Variants in TFCP2 observed in about 807,000 individuals in gnomAD.
TFCP2 encodes the protein transcription factor CP2, also known as alpha-globin transcription factor CP2.
TFCP2 carries 33 observed loss-of-function variants against 73.4 expected under a neutral mutation model. The ratio of observed to expected loss-of-function variants is 0.45; its 90% CI spans 0.34 to 0.60. The LOEUF (loss-of-function observed/expected upper bound fraction) is 0.60, where lower values mean the gene tolerates loss of function less well. Among genes scored for constraint, TFCP2 ranks in the 20% least tolerant of loss-of-function variants. The pLI is 0.01. For synonymous variants in TFCP2, 193 were observed against 211.6 expected, an observed-to-expected ratio of 0.91 and a Z score of 0.76; for missense variants, 352 against 604.0, an observed-to-expected ratio of 0.58 and a Z score of 4.37.
chr12:51,098,729 G>A (rs761312466), intron 13 of TFCP2, 47 bp downstream of exon 13: 1 of 1,607,746 alleles, frequency 6.2e-7, no homozygotes, highest in Admixed American at 1.7e-5. Flanking sequence ...TCCATGCGCT[G>A]ACAAATTAAT....
At chr12:51,105,551 T>A (rs1940214638) in intron 8 of TFCP2, among the ~76,000 whole-genome samples, 1 of 152,222 alleles carries the variant, frequency 6.6e-6, no homozygotes, top group African/African-American at 2.4e-5. Context: ...GAATTACCTA[T>A]AAGTAGAATG....
chr12:51,141,905 C>CAAAAAAA (rs34943578), intron 1 of TFCP2, among the ~76,000 whole-genome samples: 1 of 63,496 alleles, frequency 1.6e-5, no homozygotes, highest in Non-Finnish European at 2.9e-5. Flanking sequence ...GACTCTGTCT[C>CAAAAAAA]AAAAAAAAAA....
chr12:51,114,261 C>A (rs910322343), intron 4 of TFCP2, among the ~76,000 whole-genome samples: 1 of 152,096 alleles, frequency 6.6e-6, no homozygotes, highest in Admixed American at 6.6e-5. Flanking sequence ...ACAAAACAAT[C>A]CAATTCGATA....
chr12:51,139,666 C>T (rs1333421826), intron 1 of TFCP2, among the ~76,000 whole-genome samples: 2 of 152,214 alleles, frequency 1.3e-5, no homozygotes, highest in Non-Finnish European at 2.9e-5. Flanking sequence ...ACAGGAGACA[C>T]TGCACCTGGC....
At chr12:51,114,632 T>G (rs1474369693) in intron 4 of TFCP2, among the ~76,000 whole-genome samples, 4 of 150,556 alleles carry the variant, frequency 2.7e-5, no homozygotes, top group Non-Finnish European at 5.9e-5. Context: ...TAAATAAAAA[T>G]AAAGAAAGAA....
At chr12:51,168,779 T>C (rs1049712354) in intron 1 of TFCP2, among the ~76,000 whole-genome samples, 1 of 151,144 alleles carries the variant, frequency 6.6e-6, no homozygotes, top group East Asian at 2.0e-4. Context: ...CCACCATGCC[T>C]ATCCCCAACT....
chr12:51,134,906 C>G (rs1171686211), intron 1 of TFCP2, among the ~76,000 whole-genome samples: 1 of 152,040 alleles, frequency 6.6e-6, no homozygotes, highest in African/African-American at 2.4e-5. Context: ...CCCTGGGGTT[C>G]AAAACCAGTC....
chr12:51,116,283 C>G, intron 4 of TFCP2, 32 bp downstream of exon 4: 1 of 1,298,800 alleles, frequency 7.7e-7, no homozygotes, highest in Non-Finnish European at 1.1e-6. Context: ...TAGCTAAAGG[C>G]ATTTCCTAGG....
chr12:51,129,413 T>C (rs1940890234), intron 1 of TFCP2, among the ~76,000 whole-genome samples: 1 of 150,640 alleles, frequency 6.6e-6, no homozygotes, highest in African/African-American at 2.4e-5. Flanking sequence ...CTCAGGAGGC[T>C]CAGGCAGGAG....
intron 1 of TFCP2, among the ~76,000 whole-genome samples, chr12:51,151,013 G>C (rs1307032062): frequency 2.6e-5 from 4 of 152,102 alleles, no homozygotes; most frequent in Non-Finnish European, 4.4e-5. Flanking sequence ...TGGTGAGGGG[G>C]AGGAGGCTCT....
At chr12:51,114,802 G>A (rs1277936998) in intron 4 of TFCP2, among the ~76,000 whole-genome samples, 17 of 151,152 alleles carry the variant, frequency 1.1e-4, no homozygotes, top group Admixed American at 7.3e-4. Context: ...GGTGGCTCAC[G>A]CTTGTAATCC....
chr12:51,158,768 C>A (rs1017806966), intron 1 of TFCP2, among the ~76,000 whole-genome samples: 1 of 151,000 alleles, frequency 6.6e-6, no homozygotes, highest in Non-Finnish European at 1.5e-5. Context: ...AGATTACAGG[C>A]GTGACCCACC....
At chr12:51,168,777 C>A (rs1437732968) in intron 1 of TFCP2, among the ~76,000 whole-genome samples, 2 of 151,604 alleles carry the variant, frequency 1.3e-5, no homozygotes, top group Non-Finnish European at 2.9e-5. Context: ...AGCCACCATG[C>A]CTATCCCCAA....
intron 1 of TFCP2, among the ~76,000 whole-genome samples, chr12:51,130,160 A>C (rs1448099676): frequency 6.6e-6 from 1 of 152,006 alleles, no homozygotes; most frequent in Non-Finnish European, 1.5e-5. Flanking sequence ...CCCTACAAAC[A>C]GAAAAATAAC....
chr12:51,110,800 T>A, intron 5 of TFCP2, 77 bp downstream of exon 5: 1 of 1,084,940 alleles, frequency 9.2e-7, no homozygotes, highest in South Asian at 1.3e-5. Flanking sequence ...AAAGTTAACA[T>A]GTTTTATCCT....
chr12:51,167,956 G>C (rs1941788433), intron 1 of TFCP2, among the ~76,000 whole-genome samples: 1 of 152,122 alleles, frequency 6.6e-6, no homozygotes, highest in Non-Finnish European at 1.5e-5. Context: ...AGCCAGTCAG[G>C]AGGCTGCAGC....
intron 5 of TFCP2, among the ~76,000 whole-genome samples, chr12:51,110,205 A>G (rs1351439146): frequency 1.3e-5 from 2 of 152,224 alleles, no homozygotes; most frequent in East Asian, 3.8e-4. Flanking sequence ...CAAAGAACAT[A>G]ATCAGATACG....
At chr12:51,169,790 G>A (rs1941824530) in intron 1 of TFCP2, among the ~76,000 whole-genome samples, 1 of 152,140 alleles carries the variant, frequency 6.6e-6, no homozygotes, top group African/African-American at 2.4e-5. Context: ...TCAAAGTGAT[G>A]TTTGAAACTT....
intron 1 of TFCP2, among the ~76,000 whole-genome samples, chr12:51,152,561 A>G (rs1592832730): frequency 6.6e-6 from 1 of 152,356 alleles, no homozygotes; most frequent in East Asian, 1.9e-4. Context: ...TTTAAAAAAT[A>G]CAAACTGAAG....
Sources: gnomAD v4.1 joint callset for allele counts (sites outside exome capture counted in the v4.1 genomes callset) on GRCh38, gnomAD v4.1.1 for gene constraint, MANE v1.5 for transcripts, NCBI Gene and HGNC (gene_info 2026-07-23, HGNC 2026-07-21) for gene names.